The following ZNF804A variants were observed in gnomAD, a reference collection of about 807,000 sequenced individuals.
The protein encoded by ZNF804A is zinc finger protein 804A.
ZNF804A carries 2 observed loss-of-function variants against 16.5 expected under a neutral mutation model. The ratio of observed to expected loss-of-function variants is 0.12; its 90% CI spans 0.05 to 0.38. The LOEUF (loss-of-function observed/expected upper bound fraction) is 0.38. ZNF804A is among the 10% of genes least tolerant of loss of function. The probability of loss-of-function intolerance (pLI) is 0.99; values close to 1 mark genes in which losing one functional copy is unlikely to be tolerated. For synonymous variants in ZNF804A, 534 were observed against 489.6 expected (o/e 1.09, Z -1.20); for missense variants, 1,473 against 1,390.7 (o/e 1.06, Z -0.94).
At chr2:184,702,313 T>C (rs1157642045) in intron 1 of ZNF804A, among the ~76,000 whole-genome samples, 1 of 152,038 alleles carries the variant, frequency 6.6e-6, no homozygotes, top group Non-Finnish European at 1.5e-5. Context: ...GCTATAGAGA[T>C]ATGAATTTAC....
At chr2:184,691,776 G>A (rs765394381) in intron 1 of ZNF804A, among the ~76,000 whole-genome samples, 2 of 151,490 alleles carry the variant, frequency 1.3e-5, no homozygotes, top group African/African-American at 2.4e-5. Flanking sequence ...ATTTTACATA[G>A]TATTTATTAT....
At chr2:184,622,152 T>C (rs1489136689) in intron 1 of ZNF804A, among the ~76,000 whole-genome samples, 1 of 151,836 alleles carries the variant, frequency 6.6e-6, no homozygotes, top group East Asian at 1.9e-4. Flanking sequence ...TATGCTAGTA[T>C]ATCTCTCACA....
chr2:184,700,614 AC>A (rs1371272767), intron 1 of ZNF804A, among the ~76,000 whole-genome samples: 1 of 152,092 alleles, frequency 6.6e-6, no homozygotes, highest in Non-Finnish European at 1.5e-5. Flanking sequence ...TTGGAAGACA[AC>A]CTTGAATGAC....
intron 1 of ZNF804A, among the ~76,000 whole-genome samples, chr2:184,728,765 A>G (rs2105746275): frequency 6.6e-6 from 1 of 152,084 alleles, no homozygotes; most frequent in South Asian, 2.1e-4. Flanking sequence ...TAAGAAAAAA[A>G]ATAATAACAG....
chr2:184,864,875 A>ATTTTTTTTTTTTT lies in ZNF804A; in HGVS notation c.112-1483_112-1471dup, dbSNP rs34114485. The stretch of plus-strand genomic sequence containing the variant: ...TAAGAGACTTGAATATATAGTTAGG[A>ATTTTTTTTTTTTT]TTTTTTTTTTTTTTTTTTTTTTTGA... On this transcript the variant is annotated intron_variant, in intron 1 of 3. Coordinates refer to ENST00000302277, the MANE Select transcript of ZNF804A (RefSeq NM_194250.2). Among the ~76,000 whole-genome samples the ATTTTTTTTTTTTT allele has an allele frequency of 1.3e-3, 134 of 105,454 alleles. 8 individuals carry two copies. The highest frequency in any genetic ancestry group is 5.4e-3 in the African/African-American group (119 of 22,114). The allele number at this position is 105,454 out of a possible 152,430, so 69.2% of individuals were successfully genotyped here.
At chr2:184,763,630 C>CTTTTTTTTTTTTTTTTTTTT (rs1188087789) in intron 1 of ZNF804A, among the ~76,000 whole-genome samples, 1 of 21,256 alleles carries the variant, frequency 4.7e-5, no homozygotes. Flanking sequence ...CTTCAAAGTG[C>CTTTTTTTTTTTTTTTTTTTT]TTTTTTTTTT....
chr2:184,613,430 G>A (rs1225148877), intron 1 of ZNF804A, among the ~76,000 whole-genome samples: 2 of 152,130 alleles, frequency 1.3e-5, no homozygotes, highest in African/African-American at 4.8e-5. Flanking sequence ...GGCCAGAAAT[G>A]TAAACAATAA....
intron 1 of ZNF804A, among the ~76,000 whole-genome samples, chr2:184,691,809 A>G (rs568885260): frequency 9.2e-5 from 14 of 152,018 alleles, no homozygotes; most frequent in African/African-American, 3.4e-4. Context: ...TAAATACTTT[A>G]TACTATATAT....
chr2:184,865,459 G>A (rs1183556527), intron 1 of ZNF804A, among the ~76,000 whole-genome samples: 1 of 152,090 alleles, frequency 6.6e-6, no homozygotes, highest in East Asian at 1.9e-4. Flanking sequence ...AACAGGTTCA[G>A]AGATCACATG....
chr2:184,874,642 T>G (rs1696024930), intron 2 of ZNF804A, among the ~76,000 whole-genome samples: 1 of 152,152 alleles, frequency 6.6e-6, no homozygotes, highest in Admixed American at 6.6e-5. Context: ...CAAATTTCAT[T>G]TTGTTAAACT....
In ZNF804A at chr2:184,939,093, A is replaced by G. The variant is rs1466361034; in HGVS notation, c.*67A>G. On this transcript the variant is annotated 3_prime_UTR_variant, in exon 4 of 4. Coordinates refer to ENST00000302277, the MANE Select transcript of ZNF804A (RefSeq NM_194250.2). ...TGCTATATGCGTTAAGTGTTCATCTATGTGGGTACATGGCTATTTAACTGG... is the reference window on the plus strand; with the variant it reads ...TGCTATATGCGTTAAGTGTTCATCTGTGTGGGTACATGGCTATTTAACTGG... The G allele has an allele frequency of 5.2e-6, 8 of 1,547,304 alleles. No homozygotes were observed. The Admixed American group carries it at 1.3e-4, about 25-fold the overall frequency.
At chr2:184,615,759 A>G (rs942834641) in intron 1 of ZNF804A, among the ~76,000 whole-genome samples, 1 of 152,154 alleles carries the variant, frequency 6.6e-6, no homozygotes, top group African/African-American at 2.4e-5. Flanking sequence ...AAGTTTAGCC[A>G]CCTGATACAA....
intron 2 of ZNF804A, among the ~76,000 whole-genome samples, chr2:184,888,971 A>C (rs1684939787): frequency 1.3e-5 from 2 of 152,070 alleles, no homozygotes; most frequent in African/African-American, 4.8e-5. Context: ...TGAAAAAAAA[A>C]CGTTTATTTT....
chr2:184,614,706 C>T (rs1470485879), intron 1 of ZNF804A, among the ~76,000 whole-genome samples: 1 of 152,042 alleles, frequency 6.6e-6, no homozygotes, highest in Admixed American at 6.6e-5. Context: ...AAACAAACAT[C>T]CCAATCAAAA....
chr2:184,702,995 T>A (rs1692949852), intron 1 of ZNF804A, among the ~76,000 whole-genome samples: 2 of 152,190 alleles, frequency 1.3e-5, no homozygotes, highest in African/African-American at 4.8e-5. Flanking sequence ...TATGCATATG[T>A]CATATTATGC....
intron 1 of ZNF804A, among the ~76,000 whole-genome samples, chr2:184,668,332 A>G (rs1243887572): frequency 6.6e-6 from 1 of 151,970 alleles, no homozygotes; most frequent in African/African-American, 2.4e-5. Flanking sequence ...TTGCTAAGTG[A>G]AATAAGCCTG....
rs145088825 is a variant in ZNF804A at position 184,652,964 on chromosome 2, C to T, written c.111+53894C>T. 2.6e-3 allele frequency among the ~76,000 whole-genome samples: 394 copies of T among 152,300 alleles called. 9 individuals are homozygous for T. The South Asian group carries it at 0.033, about 13-fold the overall frequency. The stretch of plus-strand genomic sequence containing the variant: ...ATGATTGTAGGTTTCCTGAGGCCTA[C>T]TCAGCCCTTCAGAACTGTGAGTCAA... On this transcript the variant is annotated intron_variant, in intron 1 of 3. Coordinates refer to ENST00000302277, the MANE Select transcript of ZNF804A (RefSeq NM_194250.2).
intron 1 of ZNF804A, among the ~76,000 whole-genome samples, chr2:184,694,447 C>T (rs1366511756): frequency 6.6e-6 from 1 of 151,952 alleles, no homozygotes; most frequent in Admixed American, 6.6e-5. Context: ...CTTTCATATT[C>T]TTAATACTTT....
At chr2:184,778,331 T>C (rs1440406942) in intron 1 of ZNF804A, among the ~76,000 whole-genome samples, 2 of 151,618 alleles carry the variant, frequency 1.3e-5, no homozygotes, top group African/African-American at 2.4e-5. Context: ...TCTCTAAAGA[T>C]GATAATTTTT....
Sources: allele counts gnomAD v4.1 joint callset (sites outside exome capture counted in the v4.1 genomes callset), GRCh38; gene constraint gnomAD v4.1.1; transcripts MANE v1.5; gene names NCBI Gene and HGNC (gene_info 2026-07-23, HGNC 2026-07-21).